MALRD1: variants seen among roughly 807,000 people sequenced by gnomAD.
MALRD1 encodes the protein MAM and LDL receptor class A domain containing 1.
A neutral mutation model predicts 242.1 loss-of-function variants in MALRD1; 247 were observed. The ratio of observed to expected loss-of-function variants is 1.02; its 90% CI spans 0.92 to 1.13. The LOEUF (loss-of-function observed/expected upper bound fraction) is 1.13, where lower values mean the gene tolerates loss of function less well. Ranked by LOEUF, MALRD1 falls within the 50% of genes most tolerant of loss-of-function variation. The pLI, the probability that MALRD1 is intolerant of heterozygous loss-of-function variation, is 0.00. For missense variants in MALRD1, 2,989 were observed against 2,533.1 expected (o/e 1.18, Z -3.86); for synonymous variants, 995 against 866.6 (o/e 1.15, Z -2.60).
In MALRD1 at chr10:19,124,561, G is replaced by C. The variant is rs1286032342; in HGVS notation, c.834G>C (p.Glu278Asp). The stretch of plus-strand genomic sequence containing the variant: ...GTGGGTTTGAATTTGACATGTGTGA[G>C]TGGACGTCAGAAGCATCTGCTGGCC... Reference protein sequence around the residue: ...QACGFEFDMCEWTSEASAGQI... With the variant: ...QACGFEFDMCDWTSEASAGQI... Residue 278 changes from glutamate to aspartate, a missense_variant, in exon 7 of 40, where the codon GAG becomes GAC. Physicochemically the swap from Glu to Asp is conservative, Grantham distance 45 (BLOSUM62 2). Coordinates refer to ENST00000454679, the MANE Select transcript of MALRD1 (RefSeq NM_001142308.3). 7 of 1,233,730 alleles carry C rather than the reference G, an allele frequency of 5.7e-6. No homozygotes were observed. The highest frequency in any genetic ancestry group is 6.1e-6 in the Non-Finnish European group (6 of 988,128). 76.4% of individuals were successfully genotyped at this position (1,233,730 alleles called of 1,614,324 possible). A position where few individuals can be genotyped will look rare whatever the true frequency, so the allele number is the denominator to read the frequency against.
At chr10:19,409,160 G>C (rs1187675574) in intron 28 of MALRD1, among the ~76,000 whole-genome samples, 1 of 152,134 alleles carries the variant, frequency 6.6e-6, no homozygotes, top group Non-Finnish European at 1.5e-5. Context: ...ATGAAAAAGA[G>C]CAAACTATTG....
At chr10:19,235,273 G>A (rs2131710628) in intron 18 of MALRD1, among the ~76,000 whole-genome samples, 1 of 152,116 alleles carries the variant, frequency 6.6e-6, no homozygotes, top group African/African-American at 2.4e-5. Flanking sequence ...AGCCCTGCTG[G>A]CATCTGTTGT....
chr10:19,257,996 T>C (rs1341679983), intron 19 of MALRD1, among the ~76,000 whole-genome samples: 4 of 152,168 alleles, frequency 2.6e-5, no homozygotes, highest in Non-Finnish European at 5.9e-5. Flanking sequence ...GTCTATGACT[T>C]ATCACATGCA....
chr10:19,184,865 A>G (rs1835669600), intron 14 of MALRD1, among the ~76,000 whole-genome samples: 1 of 152,168 alleles, frequency 6.6e-6, no homozygotes, highest in South Asian at 2.1e-4. Context: ...TCATTTAATG[A>G]CATTCAACAC....
At chr10:19,346,280 A>G (rs1240271847) in intron 24 of MALRD1, among the ~76,000 whole-genome samples, 2 of 152,196 alleles carry the variant, frequency 1.3e-5, no homozygotes, top group East Asian at 1.9e-4. Context: ...GTAATAAAAT[A>G]GAGTACATGA....
chr10:19,529,553 G>A (rs904176731), intron 31 of MALRD1, among the ~76,000 whole-genome samples: 1 of 142,448 alleles, frequency 7.0e-6, no homozygotes, highest in African/African-American at 2.6e-5. Flanking sequence ...AGGAGGGGGG[G>A]GGAGAAAACA....
intron 29 of MALRD1, among the ~76,000 whole-genome samples, chr10:19,484,305 T>C (rs1837148200): frequency 6.6e-6 from 1 of 152,190 alleles, no homozygotes; most frequent in Non-Finnish European, 1.5e-5. Flanking sequence ...AAGAAAAGTT[T>C]TCTAGCTACT....
At chr10:19,159,348 T>C (rs1341291446) in intron 12 of MALRD1, among the ~76,000 whole-genome samples, 1 of 152,184 alleles carries the variant, frequency 6.6e-6, no homozygotes, top group Non-Finnish European at 1.5e-5. Flanking sequence ...TTCTCCCATT[T>C]ATTTATTTTG....
At chr10:19,668,600 G>A (rs180910335) in intron 36 of MALRD1, among the ~76,000 whole-genome samples, 8 of 152,256 alleles carry the variant, frequency 5.3e-5, no homozygotes, top group Admixed American at 1.3e-4. Context: ...GACATAGAGA[G>A]CTGAAGAGAA....
chr10:19,053,210 G>A (rs573353706), intron 1 of MALRD1, among the ~76,000 whole-genome samples: 4 of 152,168 alleles, frequency 2.6e-5, no homozygotes, highest in African/African-American at 9.7e-5. Flanking sequence ...GTGGAGAAAG[G>A]CCACATGAAG....
At chr10:19,687,104 A>C (rs1052141448) in intron 36 of MALRD1, among the ~76,000 whole-genome samples, 1 of 152,130 alleles carries the variant, frequency 6.6e-6, no homozygotes, top group African/African-American at 2.4e-5. Context: ...TAAGATGGCC[A>C]AAGTAATTAC....
intron 28 of MALRD1, among the ~76,000 whole-genome samples, chr10:19,412,141 A>G (rs991666973): frequency 8.5e-5 from 13 of 152,156 alleles, no homozygotes; most frequent in Non-Finnish European, 1.2e-4. Flanking sequence ...TCTACTAAAA[A>G]TACAAAAATT....
At chr10:19,446,444 A>G (rs1317399298) in intron 28 of MALRD1, among the ~76,000 whole-genome samples, 1 of 152,204 alleles carries the variant, frequency 6.6e-6, no homozygotes, top group Non-Finnish European at 1.5e-5. Context: ...TAAATGGTTT[A>G]AAAAAATGGC....
chr10:19,204,261 A>G (rs1029405064), intron 15 of MALRD1, 47 bp from the exon 16 acceptor site: 1 of 1,195,520 alleles, frequency 8.4e-7, no homozygotes, highest in Non-Finnish European at 1.2e-6. Flanking sequence ...TCATTTTAGA[A>G]TCCAATAGGT....
chr10:19,178,505 C>A (rs1248649771), intron 14 of MALRD1, among the ~76,000 whole-genome samples: 1 of 152,180 alleles, frequency 6.6e-6, no homozygotes, highest in East Asian at 1.9e-4. Flanking sequence ...GTTTTGAAAT[C>A]TTTAACAGGC....
chr10:19,288,827 C>G (rs1399743574), intron 21 of MALRD1, among the ~76,000 whole-genome samples: 1 of 152,118 alleles, frequency 6.6e-6, no homozygotes, highest in African/African-American at 2.4e-5. Context: ...CCCCCAGACT[C>G]TGTAGCTGCT....
At chr10:19,467,393 A>AAAAT (rs1836272411) in intron 29 of MALRD1, among the ~76,000 whole-genome samples, 1 of 25,418 alleles carries the variant, frequency 3.9e-5, no homozygotes. Context: ...ACTCCGTCTC[A>AAAAT]AAAAAAAAAA....
chr10:19,654,432 A>G (rs1841045962), intron 36 of MALRD1, among the ~76,000 whole-genome samples: 1 of 152,198 alleles, frequency 6.6e-6, no homozygotes, highest in Non-Finnish European at 1.5e-5. Context: ...ATCAATGGAA[A>G]CAAATATAAA....
At chr10:19,103,559 A>AAAAAAG (rs1836351325) in intron 4 of MALRD1, among the ~76,000 whole-genome samples, 1 of 128,192 alleles carries the variant, frequency 7.8e-6, no homozygotes, top group African/African-American at 3.4e-5. Context: ...CTCAAAAAAA[A>AAAAAAG]AAAAAATAAA....
Sources: gnomAD v4.1 joint callset for allele counts (sites outside exome capture counted in the v4.1 genomes callset) on GRCh38, gnomAD v4.1.1 for gene constraint, MANE v1.5 for transcripts, NCBI Gene and HGNC (gene_info 2026-07-23, HGNC 2026-07-21) for gene names.